The following LAMA2 variants were observed in gnomAD, a reference collection of about 807,000 sequenced individuals.
LAMA2 encodes laminin subunit alpha-2.
LAMA2 carries 269 observed loss-of-function variants against 364.8 expected under a neutral mutation model. That is an observed-to-expected ratio of 0.74 (90% CI 0.67 to 0.82). LAMA2 has a LOEUF of 0.82. LAMA2 is among the 40% of genes least tolerant of loss of function. The probability of loss-of-function intolerance (pLI) is 0.00; values close to 1 mark genes in which losing one functional copy is unlikely to be tolerated. For synonymous variants in LAMA2, 1,379 were observed against 1,370.6 expected (o/e 1.01, Z -0.14); for missense variants, 3,807 against 3,873.2 (o/e 0.98, Z 0.45).
At position 129,507,852 on chromosome 6, in the gene LAMA2, G is replaced by A. The variant is rs55990551; in HGVS notation, c.8857+210G>A. ...AATTAATAGAAGAAATAAAGTAAAAGGTCTATTTAGAGAATTTATTCCATC... is the reference window on the plus strand; with the variant it reads ...AATTAATAGAAGAAATAAAGTAAAAAGTCTATTTAGAGAATTTATTCCATC... On this transcript the variant is annotated intron_variant, in intron 62 of 64. Coordinates refer to ENST00000421865, the MANE Select transcript of LAMA2 (RefSeq NM_000426.4). Among the ~76,000 whole-genome samples, 1,311 of 152,254 alleles carry A rather than the reference G, an allele frequency of 8.6e-3. 20 individuals are homozygous for A. The highest frequency in any genetic ancestry group is 0.03 in the African/African-American group (1,235 of 41,540).
rs577629391 is a variant in LAMA2, at chr6:129,300,933, C to T, written c.3174+61C>T. On this transcript the variant is annotated intron_variant, in intron 22 of 64. Transcript: ENST00000421865. ...GGAGAGATTTTTGTTTTGTAGAGCT[C>T]TGTAATTGGGCATTTCAAAATTCAA... 8 of 1,459,202 alleles carry T rather than the reference C, an allele frequency of 5.5e-6. No individual in the cohort carries two copies. The African/African-American group carries it at 5.5e-5, about 10-fold the overall frequency. The allele number at this position is 1,459,202 out of a possible 1,614,324, so 90.4% of individuals were successfully genotyped here.
intron 10 of LAMA2, among the ~76,000 whole-genome samples, chr6:129,178,497 G>A (rs571958505): frequency 6.6e-6 from 1 of 152,222 alleles, no homozygotes; most frequent in South Asian, 2.1e-4. Flanking sequence ...AAGCATACAG[G>A]CATGCACAAG....
At chr6:129,465,116 C>A in intron 50 of LAMA2, 29 bp from the exon 51 acceptor site, 1 of 1,583,620 alleles carries the variant, frequency 6.3e-7, no homozygotes, top group Non-Finnish European at 8.7e-7. Context: ...GTGTATCTAA[C>A]CACTGGGGTA....
At chr6:129,019,728 C>T (rs1785297637) in intron 1 of LAMA2, among the ~76,000 whole-genome samples, 1 of 152,050 alleles carries the variant, frequency 6.6e-6, no homozygotes, top group Non-Finnish European at 1.5e-5. Context: ...ATCTTTATTC[C>T]CTACTAACAT....
chr6:129,020,685 C>A (rs1032632246), intron 1 of LAMA2, among the ~76,000 whole-genome samples: 4 of 152,176 alleles, frequency 2.6e-5, no homozygotes, highest in Non-Finnish European at 5.9e-5. Flanking sequence ...AGGATTTAAT[C>A]TTCTCTAGTT....
intron 39 of LAMA2, among the ~76,000 whole-genome samples, chr6:129,402,921 T>C (rs1001909783): frequency 3.3e-5 from 5 of 152,242 alleles, no homozygotes; most frequent in African/African-American, 1.2e-4. Context: ...ACGTAGTCTT[T>C]AAGTCTTTTT....
intron 44 of LAMA2, 149 bp from the exon 45 acceptor site, chr6:129,445,518 T>C: frequency 1.5e-6 from 1 of 679,510 alleles, no homozygotes; most frequent in Admixed American, 2.3e-5. Context: ...ATATTGACAT[T>C]TGCCATCACA....
At chr6:129,292,324 C>A (rs759407282) in intron 20 of LAMA2, among the ~76,000 whole-genome samples, 2 of 152,092 alleles carry the variant, frequency 1.3e-5, no homozygotes, top group Non-Finnish European at 2.9e-5. Flanking sequence ...CCAGCCTGGG[C>A]GACCGAGTGA....
At chr6:129,325,398 A>G (rs1447226116) in intron 28 of LAMA2, among the ~76,000 whole-genome samples, 3 of 152,136 alleles carry the variant, frequency 2.0e-5, no homozygotes, top group East Asian at 3.9e-4. Context: ...TTTGCTTCCA[A>G]TTCCAACATA....
At chr6:128,994,329 G>C (rs1015119199) in intron 1 of LAMA2, among the ~76,000 whole-genome samples, 10 of 152,156 alleles carry the variant, frequency 6.6e-5, no homozygotes, top group African/African-American at 2.2e-4. Flanking sequence ...TAGGATCATG[G>C]CACCAGTCCT....
chr6:129,206,090 A>AAGGGAGGG (rs1197846032), intron 12 of LAMA2, among the ~76,000 whole-genome samples: 9 of 111,932 alleles, frequency 8.0e-5, no homozygotes, highest in African/African-American at 3.0e-4. Context: ...AGGAGGAAGG[A>AAGGGAGGG]AGGGAGGGAG....
intron 7 of LAMA2, among the ~76,000 whole-genome samples, chr6:129,153,349 A>G (rs1243778958): frequency 6.6e-6 from 1 of 152,254 alleles, no homozygotes; most frequent in Non-Finnish European, 1.5e-5. Context: ...CGTGAAATTA[A>G]GAAGTTTCCA....
intron 17 of LAMA2, among the ~76,000 whole-genome samples, chr6:129,272,340 A>G (rs1366305118): frequency 2.0e-5 from 3 of 152,136 alleles, no homozygotes; most frequent in Non-Finnish European, 1.5e-5. Context: ...CAATTTTGTC[A>G]TCATTAGTTA....
intron 1 of LAMA2, among the ~76,000 whole-genome samples, chr6:128,883,819 CACACACACACACACACATAT>C (rs1188364840): frequency 2.8e-4 from 39 of 141,538 alleles, no homozygotes; most frequent in African/African-American, 8.5e-4. Flanking sequence ...CACACACACA[CACACACACACACACACATAT>C]ATATATATAT....
Position 129,350,561 on chromosome 6 carries a change from A to G in LAMA2, c.4523+1177A>G, listed in dbSNP as rs192254782. Among the ~76,000 whole-genome samples the G allele has an allele frequency of 7.9e-4, 121 of 152,332 alleles. 2 individuals are homozygous for G. Among genetic ancestry groups the G allele is most frequent in the Non-Finnish European group, 5.0e-4 (34 of 68,028 alleles). On this transcript the variant is annotated intron_variant, in intron 31 of 64. Coordinates refer to ENST00000421865, the MANE Select transcript of LAMA2 (RefSeq NM_000426.4). The stretch of plus-strand genomic sequence containing the variant: ...TTTGAGATCTTATTTTATGCTCCAG[A>G]GCACTCCATGGAATCAGGCTAAGAC...
chr6:129,005,496 C>T (rs565959607), intron 1 of LAMA2, among the ~76,000 whole-genome samples: 1 of 151,654 alleles, frequency 6.6e-6, no homozygotes. Context: ...TTGTATTTTA[C>T]CAAATTCATG....
intron 1 of LAMA2, among the ~76,000 whole-genome samples, chr6:128,890,772 G>A (rs1241084188): frequency 6.6e-6 from 1 of 151,760 alleles, no homozygotes; most frequent in Non-Finnish European, 1.5e-5. Context: ...TAGAAACAAC[G>A]GTATTTATTA....
At chr6:129,068,749 G>A (rs1773102506) in intron 3 of LAMA2, among the ~76,000 whole-genome samples, 1 of 152,176 alleles carries the variant, frequency 6.6e-6, no homozygotes, top group African/African-American at 2.4e-5. Context: ...CTGTCACTAT[G>A]TGACTTTACC....
intron 22 of LAMA2, among the ~76,000 whole-genome samples, chr6:129,311,593 C>G (rs1423772912): frequency 2.6e-5 from 4 of 152,106 alleles, no homozygotes; most frequent in Admixed American, 6.5e-5. Flanking sequence ...AGCTCAGAAA[C>G]AGTAGATGTA....
Sources: gnomAD v4.1 joint callset for allele counts (sites outside exome capture counted in the v4.1 genomes callset) on GRCh38, gnomAD v4.1.1 for gene constraint, MANE v1.5 for transcripts, NCBI Gene and HGNC (gene_info 2026-07-23, HGNC 2026-07-21) for gene names.